The following ALLC variants were observed in gnomAD, a reference collection of about 807,000 sequenced individuals.
ALLC encodes probable inactive allantoicase.
ALLC carries 40 observed loss-of-function variants against 45.0 expected under a neutral mutation model. That is an observed-to-expected ratio of 0.89 (90% CI 0.69 to 1.16). ALLC has a LOEUF of 1.16. Ranked by LOEUF, ALLC falls within the 50% of genes most tolerant of loss-of-function variation. The pLI, the probability that ALLC is intolerant of heterozygous loss-of-function variation, is 0.00. For missense variants in ALLC, 488 were observed against 493.1 expected (o/e 0.99, Z 0.10); for synonymous variants, 176 against 178.1 (o/e 0.99, Z 0.09).
intron 3 of ALLC, among the ~76,000 whole-genome samples, chr2:3,677,904 T>A (rs1667067614): frequency 6.6e-6 from 1 of 152,206 alleles, no homozygotes; most frequent in Non-Finnish European, 1.5e-5. Flanking sequence ...TCCAACTTCA[T>A]GACACTCCTG....
rs754474208 is a variant in ALLC, at chr2:3,695,853, G to A, written c.648G>A (p.Gly216=). The A allele has an allele frequency of 1.2e-6, 2 of 1,610,954 alleles. No homozygotes were observed. Among genetic ancestry groups the A allele is most frequent in the Admixed American group, 3.4e-5 (2 of 59,346 alleles). The part of the protein sequence containing the change: ...VCVGFSNAKF[G]HPNNIIGVGG... ...TAGGATTTAGTAATGCTAAGTTTGG[G>A]CACCCAAACAATATAATAGGTAAGA... Residue 216 remains glycine, a synonymous_variant, in exon 8 of 12, where the codon GGG becomes GGA. Coordinates refer to ENST00000252505, the MANE Select transcript of ALLC (RefSeq NM_018436.4).
intron 1 of ALLC, among the ~76,000 whole-genome samples, chr2:3,668,566 C>CTTTTTTTTTTTTTTTT (rs1173613810): frequency 4.2e-5 from 3 of 71,890 alleles, no homozygotes; most frequent in African/African-American, 2.2e-4. Context: ...ATGTGTATGA[C>CTTTTTTTTTTTTTTTT]TTTTTTTTTT....
In ALLC at chr2:3,671,183, G is replaced by C. The variant is rs758297888; in HGVS notation, c.26G>C (p.Gly9Ala). The C allele has an allele frequency of 6.3e-5, 102 of 1,611,042 alleles. No individual in the cohort carries two copies. The highest frequency in any genetic ancestry group is 1.6e-4 in the Middle Eastern group (1 of 6,082). Reference sequence around the variant, plus strand: ...ATGGACATGGCATCTGAATCCGTAGGAGGAAAAGTAAGTGGGTCTCTCATG... The same window carrying C: ...ATGGACATGGCATCTGAATCCGTAGCAGGAAAAGTAAGTGGGTCTCTCATG... MDMASESV[G>A]GKILFATDDF... Residue 9 changes from glycine (G) to alanine (A), a missense_variant, in exon 2 of 12, where the codon GGA (glycine) becomes GCA (alanine). Coordinates refer to ENST00000252505, the MANE Select transcript of ALLC (RefSeq NM_018436.4).
At chr2:3,656,742 T>G (rs1276825315), upstream of ALLC, among the ~76,000 whole-genome samples, 3 of 150,446 alleles carry the variant, frequency 2.0e-5, no homozygotes, top group African/African-American at 7.5e-5. Flanking sequence ...CGTAGGTGAT[T>G]TGGAAGCACA....
chr2:3,687,830 C>A lies in ALLC; in HGVS notation c.511+4756C>A, dbSNP rs527892026. Among the ~76,000 whole-genome samples, 30 of 151,052 alleles carry A rather than the reference C, an allele frequency of 2.0e-4. 2 individuals carry two copies. The highest frequency in any genetic ancestry group is 4.4e-4 in the Non-Finnish European group (30 of 67,566). ...ATTGATGGTATGTGACAGGATGTGG[C>A]TCCCTAGGCCCCTCTCTTTTCAGGG... is the stretch of plus-strand genomic sequence containing the variant. On this transcript the variant is annotated intron_variant, in intron 7 of 11. Coordinates refer to ENST00000252505, the MANE Select transcript of ALLC (RefSeq NM_018436.4).
chr2:3,671,733 GGGAGGTCCTCTGGCTCTGGTTAGATC>G (rs1558537165), intron 2 of ALLC, among the ~76,000 whole-genome samples: 8 of 126,014 alleles, frequency 6.3e-5, no homozygotes, highest in African/African-American at 1.8e-4. Context: ...CTGGTTAGAT[GGGAGGTCCTCTGGCTCTGGTTAGATC>G]GGAGGTCCTC....
intron 10 of ALLC, among the ~76,000 whole-genome samples, chr2:3,697,826 C>T (rs2148022741): frequency 6.6e-6 from 1 of 152,016 alleles, no homozygotes; most frequent in South Asian, 2.1e-4. Flanking sequence ...AGACAATACC[C>T]AGCTAATTTT....
chr2:3,680,144 A>AC lies in ALLC; in HGVS notation c.298+152dup. Reference sequence around the variant, plus strand: ...TACTTTACTGTAACGGGGCTGTAGGACCAGGACTCCTAGTAGAGCGCTCTG... The same window carrying AC: ...TACTTTACTGTAACGGGGCTGTAGGACCCAGGACTCCTAGTAGAGCGCTCTG... On this transcript the variant is annotated intron_variant, in intron 5 of 11. Transcript: ENST00000252505. This position sits in a 1 kb window ranked among gnomAD's most constrained non-coding sequence, Gnocchi z 4.0. 3 of 1,065,940 alleles carry AC rather than the reference A, an allele frequency of 2.8e-6. No homozygotes were observed. Among genetic ancestry groups the AC allele is most frequent in the Non-Finnish European group, 4.1e-6 (3 of 734,782 alleles). The allele number at this position is 1,065,940 out of a possible 1,614,324, so 66.0% of individuals were successfully genotyped here.
chr2:3,697,351 G>T lies in ALLC; in HGVS notation c.745G>T (p.Asp249Tyr), dbSNP rs1156420149. The T allele has an allele frequency of 6.2e-7, 1 of 1,613,108 alleles. No individual in the cohort carries two copies. Among genetic ancestry groups the T allele is most frequent in the East Asian group, 2.2e-5 (1 of 44,880 alleles). ...TTTCTTCTCTTCTGAATTCCAGAAT[G>T]ATGAGAATGGCATTCTCTTGGTTCC... Reference protein sequence around the residue: ...RLDRPPILENDENGILLVPGC... With the variant: ...RLDRPPILENYENGILLVPGC... The change falls in exon 10 of 12, where the codon GAT (aspartate) becomes TAT (tyrosine). Residue 249 changes from aspartate to tyrosine, a missense_variant. Asp to Tyr is a radical substitution (Grantham distance 160). Coordinates refer to ENST00000252505, the MANE Select transcript of ALLC (RefSeq NM_018436.4).
upstream of ALLC, among the ~76,000 whole-genome samples, chr2:3,657,027 C>T (rs879561065): frequency 6.6e-6 from 1 of 152,190 alleles, no homozygotes; most frequent in Admixed American, 6.5e-5. Flanking sequence ...CAAGAACTGC[C>T]AGGGACGAAG....
upstream of ALLC, among the ~76,000 whole-genome samples, chr2:3,656,980 G>T (rs182263667): frequency 6.6e-6 from 1 of 152,346 alleles, no homozygotes; most frequent in African/African-American, 2.4e-5. Context: ...CGGCGAGCGG[G>T]GGCACTGCAC....
intron 7 of ALLC, among the ~76,000 whole-genome samples, chr2:3,683,511 A>G (rs954674486): frequency 1.1e-4 from 17 of 152,330 alleles, no homozygotes; most frequent in Non-Finnish European, 2.2e-4. Context: ...GAACATTTTT[A>G]TCATCTCAGA....
chr2:3,702,552 G>A lies in ALLC; in HGVS notation c.1165G>A (p.Ala389Thr). 6.3e-7 allele frequency: 1 copy of A among 1,589,912 alleles called. No homozygotes were observed. The highest frequency in any genetic ancestry group is 8.6e-7 in the Non-Finnish European group (1 of 1,169,586). ...GTTGAAGTTCTCGGTGAGCTTCAAA[G>A]CAAACCCTTAACACACACAAAGCCC... ...PMLKFSVSFKANP is the reference protein window; with the variant it reads ...PMLKFSVSFKTNP The change falls in exon 12 of 12, where the codon GCA becomes ACA. Residue 389 changes from alanine (A) to threonine (T), a missense_variant. Ala to Thr is a moderately conservative substitution (Grantham distance 58). Coordinates refer to ENST00000252505, the MANE Select transcript of ALLC (RefSeq NM_018436.4).
the ALLC span, among the ~76,000 whole-genome samples, chr2:3,651,712 CCATCGG>C: frequency 1.3e-5 from 2 of 152,086 alleles, no homozygotes; most frequent in African/African-American, 4.8e-5. Context: ...ATGCGGAGCT[CCATCGG>C]CCGGGGAGGC....
chr2:3,656,229 C>T (rs545837262), upstream of ALLC, among the ~76,000 whole-genome samples: 14 of 152,342 alleles, frequency 9.2e-5, no homozygotes, highest in East Asian at 2.1e-3. Flanking sequence ...TCTGAGGGTG[C>T]TCCAGCCCTT....
chr2:3,700,812 G>C (rs1226319509), intron 10 of ALLC, among the ~76,000 whole-genome samples: 1 of 152,158 alleles, frequency 6.6e-6, no homozygotes. Flanking sequence ...GGGCCACAAA[G>C]GGGGCATGTG....
intron 3 of ALLC, among the ~76,000 whole-genome samples, chr2:3,676,278 A>G (rs1558539042): frequency 6.6e-6 from 1 of 151,886 alleles, no homozygotes; most frequent in Admixed American, 6.6e-5. Context: ...CATTCTGCAC[A>G]CTTTTTTTGG....
intron 10 of ALLC, among the ~76,000 whole-genome samples, chr2:3,698,867 T>C (rs1281816795): frequency 1.3e-5 from 2 of 152,108 alleles, no homozygotes; most frequent in African/African-American, 2.4e-5. Flanking sequence ...ACTGGGTGAG[T>C]GGTTTTTAAA....
At chr2:3,693,913 G>A (rs571515563) in intron 7 of ALLC, among the ~76,000 whole-genome samples, 61 of 152,222 alleles carry the variant, frequency 4.0e-4, no homozygotes, top group African/African-American at 1.4e-3. Context: ...GCCTGAACCC[G>A]GGAGGCGGAG....
Sources: gnomAD v4.1 joint callset for allele counts (sites outside exome capture counted in the v4.1 genomes callset) on GRCh38, gnomAD v4.1.1 for gene constraint, Gnocchi (gnomAD v3.1) non-coding constraint, MANE v1.5 for transcripts, NCBI Gene and HGNC (gene_info 2026-07-23, HGNC 2026-07-21) for gene names.